The following CCDC180 variants were observed in gnomAD, a reference collection of about 807,000 sequenced individuals.
The protein encoded by CCDC180 is coiled-coil domain-containing protein 180.
In CCDC180, 154 loss-of-function variants were observed where a neutral mutation model predicts 209.2. The ratio of observed to expected loss-of-function variants is 0.74; its 90% CI spans 0.65 to 0.84. The LOEUF (loss-of-function observed/expected upper bound fraction) is 0.84. Ranked by LOEUF, CCDC180 falls within the 40% of genes least tolerant of loss-of-function variation. The pLI, the probability that CCDC180 is intolerant of heterozygous loss-of-function variation, is 0.00. For synonymous variants in CCDC180, 778 were observed against 749.1 expected (o/e 1.04, Z -0.63); for missense variants, 1,874 against 1,997.3 (o/e 0.94, Z 1.18).
intron 18 of CCDC180, among the ~76,000 whole-genome samples, chr9:97,338,265 T>G (rs11535503): frequency 0.072 from 10,976 of 152,258 alleles, 1,045 homozygotes; most frequent in African/African-American, 0.21. Context: ...GGGTGTCAAT[T>G]TTAGATCTTT....
chr9:97,334,688 C>T lies in CCDC180; in HGVS notation c.2274+3921C>T, dbSNP rs572891103. 9.6e-4 allele frequency among the ~76,000 whole-genome samples: 146 copies of T among 152,042 alleles called. 2 individuals carry two copies. The highest frequency in any genetic ancestry group is 3.4e-3 in the African/African-American group (141 of 41,472). ...CTATTTTTTCCCACTGATGAAATGT[C>T]GAGTCATAGGGAAACAGAAAATTAT... On this transcript the variant is annotated intron_variant, in intron 18 of 36. Transcript: ENST00000529487.
In CCDC180 at chr9:97,349,309, T is replaced by TCTC. The variant is rs1391423724; in HGVS notation, c.2855+20_2855+22dup. On this transcript the variant is annotated intron_variant, in intron 21 of 36. Coordinates refer to ENST00000529487, the MANE Select transcript of CCDC180 (RefSeq NM_020893.6). ...AGCCAAAAGTAAGGGGTCCTGGGAG[T>TCTC]CTCCACCCCAGCCATGTGGCTCTGG... 1 of 1,529,798 alleles carries TCTC rather than the reference T, an allele frequency of 6.5e-7. No individual in the cohort carries two copies. Among genetic ancestry groups the TCTC allele is most frequent in the South Asian group, 1.2e-5 (1 of 83,624 alleles). 94.8% of individuals were successfully genotyped at this position (1,529,798 alleles called of 1,614,324 possible). A position where few individuals can be genotyped will look rare whatever the true frequency, so the allele number is the denominator to read the frequency against.
rs1485765646 is a variant in CCDC180 at position 97,347,326 on chromosome 9, C to T, written c.2511C>T (p.Gly837=). Residue 837 remains glycine, a synonymous_variant, in exon 20 of 37, where the codon GGC becomes GGT. Coordinates refer to ENST00000529487, the MANE Select transcript of CCDC180 (RefSeq NM_020893.6). ...ILEIKKQLRA[G]FFEHLEKWFD... is the part of the protein sequence containing the mutation. ...GTCTCGCCCTCAGACTTCGAGCTGG[C>T]TTCTTCGAGCACCTTGAGAAGTGGT... 2 of 1,535,932 alleles carry T rather than the reference C, an allele frequency of 1.3e-6. No homozygotes were observed. The highest frequency in any genetic ancestry group is 4.9e-5 in the East Asian group (2 of 40,916).
rs757247818 is a variant in CCDC180 at position 97,366,595 on chromosome 9, C to T, written c.4084C>T (p.Pro1362Ser). The change falls in exon 31 of 37, where the codon CCT becomes TCT. Residue 1362 changes from proline to serine, a missense_variant. Transcript: ENST00000529487. This position sits in a 1 kb window ranked among gnomAD's most constrained non-coding sequence, Gnocchi z 4.3. ...TAAAGAAAAACGCCCAGTCACCAGG[C>T]CTGACTGCATGTGTGACACCTTTGA... is the stretch of plus-strand genomic sequence containing the variant. ...YRKEKRPVTR[P>S]DCMCDTFDQC... 3.1e-6 allele frequency: 5 copies of T among 1,614,044 alleles called. No individual in the cohort carries two copies. The highest frequency in any genetic ancestry group is 4.2e-6 in the Non-Finnish European group (5 of 1,179,996).
intron 19 of CCDC180, chr9:97,345,575 A>C (rs1223606959): frequency 2.4e-6 from 1 of 422,060 alleles, no homozygotes; most frequent in Non-Finnish European, 4.6e-6. Context: ...TTTTTTTATT[A>C]ATTTATGGGA....
intron 36 of CCDC180, 86 bp downstream of exon 36, chr9:97,375,675 C>A: frequency 6.4e-7 from 1 of 1,561,420 alleles, no homozygotes; most frequent in South Asian, 1.1e-5. Context: ...TCACCCGGCA[C>A]CCAACATTTG....
chr9:97,351,650 A>G (rs146981507), intron 22 of CCDC180, among the ~76,000 whole-genome samples: 1,926 of 151,678 alleles, frequency 0.013, 20 homozygotes, highest in Non-Finnish European at 0.019. Context: ...TATATTTTCT[A>G]TGTGCCTGTA....
intron 11 of CCDC180, 134 bp downstream of exon 11, chr9:97,320,339 T>C: frequency 1.2e-6 from 1 of 800,964 alleles, no homozygotes; most frequent in East Asian, 2.5e-5. Context: ...AAAAGTGAGC[T>C]CTGAGGGCTC....
At chr9:97,358,365 G>A (rs571782253) in intron 25 of CCDC180, among the ~76,000 whole-genome samples, 21 of 152,108 alleles carry the variant, frequency 1.4e-4, no homozygotes, top group Admixed American at 3.9e-4. Flanking sequence ...CAAGTGACCC[G>A]CCCACATCAG....
intron 15 of CCDC180, 45 bp from the exon 16 acceptor site, chr9:97,327,975 G>A (rs1430678993): frequency 1.9e-6 from 3 of 1,589,966 alleles, no homozygotes; most frequent in East Asian, 2.2e-5. Context: ...GGTCAGGGGT[G>A]TGGTTCCTAG....
chr9:97,316,439 C>T (rs1564147516), intron 8 of CCDC180, among the ~76,000 whole-genome samples: 1 of 152,190 alleles, frequency 6.6e-6, no homozygotes, highest in East Asian at 1.9e-4. Context: ...CATACTGCCA[C>T]CTCCCTGGAG....
intron 8 of CCDC180, 128 bp from the exon 9 acceptor site, chr9:97,316,937 A>G (rs112924903): frequency 6.8e-5 from 57 of 839,820 alleles, no homozygotes; most frequent in African/African-American, 2.0e-4. Context: ...AGGCCCTGCA[A>G]CCACCCCACT....
chr9:97,332,829 A>T (rs750447402), intron 18 of CCDC180, among the ~76,000 whole-genome samples: 3 of 152,128 alleles, frequency 2.0e-5, no homozygotes, highest in Non-Finnish European at 4.4e-5. Flanking sequence ...GGATAGTTTG[A>T]CTTCCTCTCT....
At chr9:97,362,143 A>G in intron 27 of CCDC180, 53 bp from the exon 28 acceptor site, 1 of 1,575,264 alleles carries the variant, frequency 6.3e-7, no homozygotes, top group Non-Finnish European at 8.6e-7. Context: ...GCCTGGCCTG[A>G]GCTACCCCCA....
chr9:97,333,530 G>C (rs1234508839), intron 18 of CCDC180, among the ~76,000 whole-genome samples: 1 of 50,474 alleles, frequency 2.0e-5, no homozygotes, highest in Non-Finnish European at 4.0e-5. Flanking sequence ...TTTTTTTTTT[G>C]GTTTGTAGGC....
chr9:97,327,453 A>G (rs952798299), intron 15 of CCDC180, among the ~76,000 whole-genome samples: 1 of 152,096 alleles, frequency 6.6e-6, no homozygotes, highest in Non-Finnish European at 1.5e-5. Flanking sequence ...CAATCCCTCA[A>G]TTGATTAGCT....
intron 31 of CCDC180, chr9:97,369,659 T>C: frequency 3.1e-6 from 1 of 319,904 alleles, no homozygotes; most frequent in East Asian, 6.8e-5. Context: ...CAAGCTGGTC[T>C]TGAACTCCTG....
intron 24 of CCDC180, 68 bp from the exon 25 acceptor site, chr9:97,357,559 T>C: frequency 9.5e-7 from 1 of 1,055,596 alleles, no homozygotes; most frequent in Non-Finnish European, 1.4e-6. Flanking sequence ...ATGGTATGTT[T>C]CACAGAATGT....
In CCDC180 at chr9:97,349,249, A is replaced by G. The variant is rs1296809607; in HGVS notation, c.2813A>G (p.Tyr938Cys). 6.5e-7 allele frequency: 1 copy of G among 1,536,580 alleles called. No homozygotes were observed. The highest frequency in any genetic ancestry group is 8.7e-7 in the Non-Finnish European group (1 of 1,147,032). The change falls in exon 21 of 37, where the codon TAT (tyrosine) becomes TGT (cysteine). Residue 938 changes from tyrosine (Y) to cysteine (C), a missense_variant. Physicochemically the swap from Tyr to Cys is radical, Grantham distance 194. Coordinates refer to ENST00000529487, the MANE Select transcript of CCDC180 (RefSeq NM_020893.6). ...VRSKNFRLKI[Y>C]DMEHIFLNAT... ...AGCAAAAACTTCCGCCTTAAGATCT[A>G]TGACATGGAGCACATCTTCTTGAAT... is the stretch of plus-strand genomic sequence containing the variant.
Sources: gnomAD v4.1 joint callset for allele counts (sites outside exome capture counted in the v4.1 genomes callset) on GRCh38, gnomAD v4.1.1 for gene constraint, Gnocchi (gnomAD v3.1) non-coding constraint, MANE v1.5 for transcripts, NCBI Gene and HGNC (gene_info 2026-07-23, HGNC 2026-07-21) for gene names.